GPR174: variants seen among roughly 807,000 people sequenced by gnomAD.
GPR174 encodes G protein-coupled receptor 174.
GPR174 carries 8 observed loss-of-function variants against 16.5 expected under a neutral mutation model. The observed-to-expected ratio is 0.48, with a 90% CI of 0.28 to 0.87. GPR174 has a LOEUF of 0.87. GPR174 is among the 40% of genes least tolerant of loss of function. The pLI, the probability that GPR174 is intolerant of heterozygous loss-of-function variation, is 0.09. For synonymous variants in GPR174, 111 were observed against 94.8 expected, an observed-to-expected ratio of 1.17 and a Z score of -0.99; for missense variants, 214 against 247.5, an observed-to-expected ratio of 0.86 and a Z score of 0.91.
chrX:79,170,889 T>C lies in GPR174; in HGVS notation c.-119T>C. On this transcript the variant is annotated 5_prime_UTR_variant, in exon 3 of 3. Transcript: ENST00000645147. ...GACAGATGTGGTAAAAAGAGGAAGGTTATTTTATACTTCGTATCTCCAACC... is the reference window on the plus strand; with the variant it reads ...GACAGATGTGGTAAAAAGAGGAAGGCTATTTTATACTTCGTATCTCCAACC... 4 of 582,631 alleles carry C rather than the reference T, an allele frequency of 6.9e-6. No individual in the cohort carries two copies. The highest frequency in any genetic ancestry group is 3.2e-5 in the South Asian group (1 of 31,119). The allele number at this position is 582,631 out of a possible 1,213,427, so 48.0% of individuals were successfully genotyped here.
chrX:79,146,035 C>T (rs1365465850), intron 1 of GPR174, among the ~76,000 whole-genome samples: 1 of 111,409 alleles, frequency 9.0e-6, no homozygotes, highest in African/African-American at 3.3e-5. Context: ...AAATTATTTC[C>T]TTGTTTGCGT....
At chrX:79,148,680 G>A (rs925447451) in intron 1 of GPR174, among the ~76,000 whole-genome samples, 2 of 110,958 alleles carry the variant, frequency 1.8e-5, no homozygotes, top group Non-Finnish European at 3.8e-5. Flanking sequence ...CACTATGCAA[G>A]GCTAATTTTT....
chrX:79,149,157 G>A (rs779680581), intron 1 of GPR174, among the ~76,000 whole-genome samples: 2 of 110,807 alleles, frequency 1.8e-5, no homozygotes, highest in Non-Finnish European at 3.8e-5. Flanking sequence ...TAGTTTCATG[G>A]CCCCTATTAA....
At chrX:79,151,354 C>T (rs1468884498) in intron 1 of GPR174, among the ~76,000 whole-genome samples, 1 of 110,605 alleles carries the variant, frequency 9.0e-6, no homozygotes, top group African/African-American at 3.3e-5. Flanking sequence ...TTTTCAACAC[C>T]ACTTTATTGA....
At chrX:79,148,311 CTGACA>C (rs778306171) in intron 1 of GPR174, among the ~76,000 whole-genome samples, 2 of 111,539 alleles carry the variant, frequency 1.8e-5, no homozygotes, top group Non-Finnish European at 3.8e-5. Flanking sequence ...TTCCTACTTC[CTGACA>C]TAATATTTGT....
intron 2 of GPR174, among the ~76,000 whole-genome samples, chrX:79,163,039 G>A (rs765114040): frequency 9.0e-6 from 1 of 111,652 alleles, no homozygotes; most frequent in African/African-American, 3.3e-5. Context: ...AGTCTGGCAT[G>A]GTGGAAGCCT....
chrX:79,158,617 T>C (rs1208203213), intron 2 of GPR174, among the ~76,000 whole-genome samples: 2 of 106,931 alleles, frequency 1.9e-5, no homozygotes, highest in Non-Finnish European at 3.9e-5. Context: ...CTAATTTTTG[T>C]ATTTTTAGTA....
At chrX:79,153,342 T>C (rs1215447940) in intron 1 of GPR174, among the ~76,000 whole-genome samples, 1 of 112,128 alleles carries the variant, frequency 8.9e-6, no homozygotes, top group East Asian at 2.8e-4. Flanking sequence ...CAGCAAGGTA[T>C]TGTTCATCTC....
rs909351042 is a variant in GPR174, at chrX:79,174,206, G to A, written c.*2197G>A. The A allele has an allele frequency of 9.2e-6, 1 of 108,990 alleles. No individual in the cohort carries two copies. The highest frequency in any genetic ancestry group is 3.3e-5 in the African/African-American group (1 of 29,970). The allele number at this position is 108,990 out of a possible 1,213,427, so 9.0% of individuals were successfully genotyped here. A position where few individuals can be genotyped will look rare whatever the true frequency, so the allele number is the denominator to read the frequency against. On this transcript the variant is annotated 3_prime_UTR_variant, in exon 3 of 3. Coordinates refer to ENST00000645147, the MANE Select transcript of GPR174 (RefSeq NM_032553.3). ...TTTACATCATTCCAAAAAAGGACCA[G>A]TATTCAGTGTTATGCTGCTTAGCTG...
Position 79,162,102 on chromosome X carries a change from A to AT in GPR174, c.-557+5191dup, listed in dbSNP as rs1334658546. Among the ~76,000 whole-genome samples the AT allele has an allele frequency of 5.4e-5, 6 of 111,857 alleles. No individual in the cohort carries two copies. The South Asian group carries it at 1.5e-3, about 28-fold the overall frequency. ...AAGATGGTAATTTTCTAGTTGGATG[A>AT]TTTTTTTAAAGGTTAAATGGACATG... On this transcript the variant is annotated intron_variant, in intron 2 of 2. Coordinates refer to ENST00000645147, the MANE Select transcript of GPR174 (RefSeq NM_032553.3).
chrX:79,159,005 C>A (rs745608743), intron 2 of GPR174, among the ~76,000 whole-genome samples: 3 of 109,909 alleles, frequency 2.7e-5, no homozygotes, highest in Admixed American at 2.0e-4. Context: ...ATGTATCCCA[C>A]AAATATGTAT....
chrX:79,160,473 C>A (rs772042219), intron 2 of GPR174, among the ~76,000 whole-genome samples: 2 of 111,652 alleles, frequency 1.8e-5, no homozygotes, highest in Non-Finnish European at 3.8e-5. Flanking sequence ...TGTGGGGAAT[C>A]CCATGTCCTA....
At chrX:79,163,483 A>T (rs927072587) in intron 2 of GPR174, among the ~76,000 whole-genome samples, 1 of 111,684 alleles carries the variant, frequency 9.0e-6, no homozygotes, top group Non-Finnish European at 1.9e-5. Context: ...ATCTGGAAAG[A>T]TCGGGAAGAA....
intron 1 of GPR174, among the ~76,000 whole-genome samples, chrX:79,146,117 A>G (rs1014681260): frequency 2.7e-5 from 3 of 111,741 alleles, no homozygotes; most frequent in Admixed American, 9.5e-5. Context: ...ATATGATGAT[A>G]CTATAAATGG....
chrX:79,165,868 C>T (rs1223502037), intron 2 of GPR174, among the ~76,000 whole-genome samples: 2 of 111,196 alleles, frequency 1.8e-5, no homozygotes, highest in Admixed American at 9.5e-5. Context: ...TTATCTTGGA[C>T]CTTAGTTTAT....
At chrX:79,160,252 G>A (rs1458475370) in intron 2 of GPR174, among the ~76,000 whole-genome samples, 1 of 110,249 alleles carries the variant, frequency 9.1e-6, no homozygotes, top group Non-Finnish European at 1.9e-5. Context: ...GCTTTTGATT[G>A]TTTCCCAATA....
intron 1 of GPR174, among the ~76,000 whole-genome samples, chrX:79,151,361 T>C (rs756500561): frequency 2.5e-4 from 28 of 111,226 alleles, no homozygotes; most frequent in African/African-American, 8.5e-4. Flanking sequence ...CACCACTTTA[T>C]TGAGGAAGGA....
intron 2 of GPR174, among the ~76,000 whole-genome samples, chrX:79,167,077 T>C (rs1165831932): frequency 9.0e-6 from 1 of 111,728 alleles, no homozygotes; most frequent in Admixed American, 9.5e-5. Flanking sequence ...AAAGATGGGA[T>C]AGAACAATTT....
chrX:79,163,453 C>T (rs1921282558), intron 2 of GPR174, among the ~76,000 whole-genome samples: 1 of 111,661 alleles, frequency 9.0e-6, no homozygotes, highest in African/African-American at 3.3e-5. Flanking sequence ...AATGGAAGTC[C>T]ATAGTCTTTC....
Sources: gnomAD v4.1 joint callset for allele counts (sites outside exome capture counted in the v4.1 genomes callset) on GRCh38, gnomAD v4.1.1 for gene constraint, MANE v1.5 for transcripts, NCBI Gene and HGNC (gene_info 2026-07-23, HGNC 2026-07-21) for gene names.